The following NRXN1 variants were observed in gnomAD, a reference collection of about 807,000 sequenced individuals.
NRXN1 encodes the protein neurexin 1, also known as neurexin-1.
In NRXN1, 39 loss-of-function variants were observed where a neutral mutation model predicts 150.9. That is an observed-to-expected ratio of 0.26 (90% confidence interval 0.20 to 0.34). The LOEUF is 0.34. NRXN1 is among the 10% of genes least tolerant of loss of function. NRXN1 has a pLI of 1.00. For synonymous variants in NRXN1, 924 were observed against 757.0 expected (o/e 1.22, Z -3.62); for missense variants, 1,815 against 1,949.9 (o/e 0.93, Z 1.30).
chr2:50,924,929 T>C (rs918438595), intron 3 of NRXN1, among the ~76,000 whole-genome samples: 2 of 151,582 alleles, frequency 1.3e-5, no homozygotes, highest in Non-Finnish European at 3.0e-5. Flanking sequence ...GGATAGGGAG[T>C]CTTTTTCTAA....
chr2:50,989,341 A>G (rs146194551), intron 2 of NRXN1, among the ~76,000 whole-genome samples: 366 of 152,134 alleles, frequency 2.4e-3, no homozygotes, highest in Non-Finnish European at 4.3e-3. Context: ...GATATAATTT[A>G]CATACAGCAA....
At chr2:49,987,667 T>C (rs756158485) in intron 21 of NRXN1, among the ~76,000 whole-genome samples, 2 of 152,060 alleles carry the variant, frequency 1.3e-5, no homozygotes, top group African/African-American at 4.8e-5. Context: ...AGTATTTTTA[T>C]AGTTTGTCAA....
intron 21 of NRXN1, among the ~76,000 whole-genome samples, chr2:50,035,253 G>A (rs1369202194): frequency 2.0e-5 from 3 of 152,188 alleles, no homozygotes; most frequent in Middle Eastern, 3.4e-3. Context: ...CATTTCTCAT[G>A]ATCTAGGAGT....
intron 5 of NRXN1, among the ~76,000 whole-genome samples, chr2:50,651,492 G>GACATGACATGACATGACATA (rs1685616447): frequency 6.7e-6 from 1 of 148,752 alleles, no homozygotes; most frequent in Non-Finnish European, 1.5e-5. Flanking sequence ...GACATGACAT[G>GACATGACATGACATGACATA]ACATGACATG....
At chr2:50,887,724 C>T (rs545964156) in intron 5 of NRXN1, among the ~76,000 whole-genome samples, 4 of 151,134 alleles carry the variant, frequency 2.6e-5, no homozygotes, top group South Asian at 2.1e-4. Flanking sequence ...ATTTTTCTAT[C>T]GTGTTTCATT....
chr2:50,483,538 A>G (rs2090636966), intron 15 of NRXN1, among the ~76,000 whole-genome samples: 1 of 152,216 alleles, frequency 6.6e-6, no homozygotes, highest in African/African-American at 2.4e-5. Context: ...ACACTTTCAC[A>G]TCTCTTACTC....
chr2:50,892,833 T>C (rs1282023142), intron 5 of NRXN1, among the ~76,000 whole-genome samples: 1 of 152,198 alleles, frequency 6.6e-6, no homozygotes, highest in Non-Finnish European at 1.5e-5. Flanking sequence ...ACTCAATGTT[T>C]ATTTCAACAA....
chr2:50,852,775 C>T (rs1212451683), intron 5 of NRXN1, among the ~76,000 whole-genome samples: 2 of 152,136 alleles, frequency 1.3e-5, no homozygotes, highest in African/African-American at 4.8e-5. Flanking sequence ...AACTAAAAAC[C>T]AGTAGCATAT....
intron 5 of NRXN1, among the ~76,000 whole-genome samples, chr2:50,711,747 T>A (rs1187845328): frequency 6.6e-6 from 1 of 152,110 alleles, no homozygotes. Context: ...TGGGGCATAC[T>A]GGGAGGTATT....
chr2:50,549,302 T>C (rs1232229099), intron 9 of NRXN1, among the ~76,000 whole-genome samples: 1 of 152,110 alleles, frequency 6.6e-6, no homozygotes, highest in Non-Finnish European at 1.5e-5. Flanking sequence ...ATACTATATA[T>C]AAAATATTAA....
intron 5 of NRXN1, among the ~76,000 whole-genome samples, chr2:50,701,531 ATTCTAT>A (rs1693740598): frequency 6.6e-6 from 1 of 152,146 alleles, no homozygotes; most frequent in South Asian, 2.1e-4. Context: ...TCTGAATGGT[ATTCTAT>A]TTCTATCATA....
At chr2:50,645,590 G>C (rs1162568941) in intron 5 of NRXN1, among the ~76,000 whole-genome samples, 2 of 151,888 alleles carry the variant, frequency 1.3e-5, no homozygotes, top group Non-Finnish European at 2.9e-5. Flanking sequence ...CCAGGGACTG[G>C]GAGAGTGCCT....
intron 2 of NRXN1, among the ~76,000 whole-genome samples, chr2:51,010,163 T>C (rs1015370435): frequency 1.3e-5 from 2 of 151,988 alleles, no homozygotes; most frequent in African/African-American, 2.4e-5. Context: ...AAACATCTCA[T>C]AGATAATCCC....
At position 50,381,522 on chromosome 2, in the gene NRXN1, AACACACACACACACACACAC is replaced by A. The variant is rs59726557; in HGVS notation, c.3364+83900_3364+83919del. Among the ~76,000 whole-genome samples the A allele has an allele frequency of 3.8e-4, 49 of 128,610 alleles. 1 individual carries two copies. Among genetic ancestry groups the A allele is most frequent in the South Asian group, 3.2e-3 (11 of 3,472 alleles). The allele number at this position is 128,610 out of a possible 152,430, so 84.4% of individuals were successfully genotyped here. On this transcript the variant is annotated intron_variant, in intron 17 of 22. Transcript: ENST00000401669. ...AGTCTAAAGGGGACTCAGGCTTTTA[AACACACACACACACACACAC>A]ACACACACACACACACACACACACA...
chr2:50,439,221 T>C (rs2085709957), intron 17 of NRXN1, among the ~76,000 whole-genome samples: 2 of 152,336 alleles, frequency 1.3e-5, no homozygotes, highest in South Asian at 4.1e-4. Context: ...TGCTGGGTAG[T>C]ATGTTTAGTA....
At chr2:50,805,433 T>C (rs776046574) in intron 5 of NRXN1, among the ~76,000 whole-genome samples, 18 of 152,072 alleles carry the variant, frequency 1.2e-4, no homozygotes, top group Non-Finnish European at 2.1e-4. Flanking sequence ...GGTGGGCAGA[T>C]CACTTGAGGC....
intron 5 of NRXN1, among the ~76,000 whole-genome samples, chr2:50,895,347 C>CATATTGG (rs1427781073): frequency 2.4e-4 from 37 of 152,130 alleles, no homozygotes; most frequent in African/African-American, 8.9e-4. Flanking sequence ...AATGCCTCTA[C>CATATTGG]ATATTGGATA....
chr2:50,991,340 A>G (rs1352062829), intron 2 of NRXN1, among the ~76,000 whole-genome samples: 1 of 151,990 alleles, frequency 6.6e-6, no homozygotes, highest in East Asian at 1.9e-4. Context: ...CCTCCTAAAT[A>G]AATTATACCT....
intron 2 of NRXN1, among the ~76,000 whole-genome samples, chr2:50,929,600 C>A (rs1264377318): frequency 6.6e-6 from 1 of 152,074 alleles, no homozygotes; most frequent in Non-Finnish European, 1.5e-5. Context: ...GATACCAGCA[C>A]TCCAAGGTAT....
Sources: allele counts gnomAD v4.1 joint callset (sites outside exome capture counted in the v4.1 genomes callset), GRCh38; gene constraint gnomAD v4.1.1; transcripts MANE v1.5; gene names NCBI Gene and HGNC (gene_info 2026-07-23, HGNC 2026-07-21).